The following ERC2 variants were observed in gnomAD, a reference collection of about 807,000 sequenced individuals.
ERC2 encodes ERC protein 2.
A neutral mutation model predicts 114.8 loss-of-function variants in ERC2; 42 were observed. The ratio of observed to expected loss-of-function variants is 0.37; its 90% confidence interval spans 0.29 to 0.47. The LOEUF (loss-of-function observed/expected upper bound fraction) is 0.47, where lower values mean the gene tolerates loss of function less well. ERC2 is among the 20% of genes least tolerant of loss of function. The pLI is 0.99. For synonymous variants in ERC2, 454 were observed against 425.5 expected (o/e 1.07, Z -0.82); for missense variants, 939 against 1,150.7 (o/e 0.82, Z 2.66).
At chr3:55,634,236 G>A (rs2059867630) in intron 17 of ERC2, among the ~76,000 whole-genome samples, 1 of 152,178 alleles carries the variant, frequency 6.6e-6, no homozygotes, top group East Asian at 1.9e-4. Context: ...CAAAAGTTGA[G>A]TTTATTTTCC....
At chr3:55,768,050 C>G (rs1386427381) in intron 14 of ERC2, among the ~76,000 whole-genome samples, 1 of 152,188 alleles carries the variant, frequency 6.6e-6, no homozygotes, top group African/African-American at 2.4e-5. Flanking sequence ...CTTCTCCACT[C>G]TCTTCCTCCT....
intron 14 of ERC2, among the ~76,000 whole-genome samples, chr3:55,752,619 G>A (rs2066784233): frequency 1.3e-5 from 2 of 152,126 alleles, no homozygotes; most frequent in Admixed American, 6.6e-5. Context: ...TCCTTTATGT[G>A]TACTAACTCA....
At chr3:55,815,665 CAT>C (rs983891838) in intron 14 of ERC2, among the ~76,000 whole-genome samples, 3 of 152,174 alleles carry the variant, frequency 2.0e-5, no homozygotes, top group East Asian at 1.9e-4. Flanking sequence ...AGATAATAAA[CAT>C]GTGATATTTT....
chr3:55,557,069 A>G (rs2055665612), intron 17 of ERC2, among the ~76,000 whole-genome samples: 1 of 152,226 alleles, frequency 6.6e-6, no homozygotes, highest in African/African-American at 2.4e-5. Context: ...TAAAGAAAAA[A>G]TATGACAAAT....
At chr3:56,206,823 CAT>C (rs778239111) in intron 3 of ERC2, among the ~76,000 whole-genome samples, 8 of 152,226 alleles carry the variant, frequency 5.3e-5, no homozygotes, top group Admixed American at 2.0e-4. Context: ...TCCAAATACA[CAT>C]GTTATGCATA....
intron 3 of ERC2, among the ~76,000 whole-genome samples, chr3:56,275,907 GC>G (rs2053958164): frequency 6.6e-6 from 1 of 152,152 alleles, no homozygotes; most frequent in South Asian, 2.1e-4. Flanking sequence ...ATGAGGACAA[GC>G]CCCCATCCCC....
intron 14 of ERC2, among the ~76,000 whole-genome samples, chr3:55,806,180 C>T (rs1293770023): frequency 2.6e-5 from 4 of 151,760 alleles, no homozygotes; most frequent in Non-Finnish European, 1.5e-5. Context: ...ACTAAAAACA[C>T]AAAAATTAGC....
At chr3:55,921,014 G>A (rs2065395957) in intron 13 of ERC2, among the ~76,000 whole-genome samples, 1 of 152,058 alleles carries the variant, frequency 6.6e-6, no homozygotes, top group African/African-American at 2.4e-5. Flanking sequence ...ACTCGGTTCT[G>A]GTGGGAATGC....
At chr3:55,901,423 T>C (rs948608764) in intron 13 of ERC2, among the ~76,000 whole-genome samples, 1 of 152,174 alleles carries the variant, frequency 6.6e-6, no homozygotes, top group Non-Finnish European at 1.5e-5. Flanking sequence ...TCCAAGCTCA[T>C]GGAGTTGAAA....
chr3:56,355,223 A>G (rs925958444), intron 2 of ERC2, among the ~76,000 whole-genome samples: 2 of 152,176 alleles, frequency 1.3e-5, no homozygotes, highest in Non-Finnish European at 2.9e-5. Context: ...AGTGGGAGTT[A>G]TGTGTATATT....
intron 7 of ERC2, among the ~76,000 whole-genome samples, chr3:56,068,896 G>A (rs2149724122): frequency 6.6e-6 from 1 of 152,300 alleles, no homozygotes; most frequent in Non-Finnish European, 1.5e-5. Context: ...GTTGCACTGT[G>A]GTCTGAGAGA....
intron 17 of ERC2, among the ~76,000 whole-genome samples, chr3:55,636,854 AT>A (rs2059978353): frequency 6.6e-6 from 1 of 152,180 alleles, no homozygotes; most frequent in South Asian, 2.1e-4. Flanking sequence ...ACCAGACCTG[AT>A]TTGCAAAATA....
intron 3 of ERC2, among the ~76,000 whole-genome samples, chr3:56,250,075 C>T (rs2052038634): frequency 1.3e-5 from 2 of 152,078 alleles, no homozygotes; most frequent in East Asian, 1.9e-4. Context: ...CCAGGCTGGT[C>T]TTGAACTCCT....
intron 2 of ERC2, among the ~76,000 whole-genome samples, chr3:56,399,255 A>T (rs1267888128): frequency 5.9e-5 from 9 of 152,216 alleles, no homozygotes; most frequent in African/African-American, 1.9e-4. Context: ...GCGTACTTCT[A>T]TTCAAAATAA....
chr3:55,844,950 G>C (rs2149223708), intron 14 of ERC2, among the ~76,000 whole-genome samples: 1 of 152,292 alleles, frequency 6.6e-6, no homozygotes, highest in Admixed American at 6.5e-5. Context: ...TGAGGGGGTA[G>C]TTTCAGAATG....
chr3:56,463,466 G>A (rs1023811552), intron 1 of ERC2, among the ~76,000 whole-genome samples: 2 of 152,144 alleles, frequency 1.3e-5, no homozygotes, highest in Non-Finnish European at 2.9e-5. Flanking sequence ...AAGTCCAAGG[G>A]AGTCTTGGGA....
intron 7 of ERC2, among the ~76,000 whole-genome samples, chr3:56,051,668 A>G (rs2075772367): frequency 6.6e-6 from 1 of 152,086 alleles, no homozygotes; most frequent in South Asian, 2.1e-4. Flanking sequence ...TCTACTTAAA[A>G]TACAAAAATT....
chr3:56,085,911 C>CTA (rs2077475452), intron 6 of ERC2, among the ~76,000 whole-genome samples: 1 of 152,026 alleles, frequency 6.6e-6, no homozygotes, highest in Non-Finnish European at 1.5e-5. Flanking sequence ...GCTGGATGGT[C>CTA]TATATCTGGA....
chr3:56,415,200 A>C (rs2061101430), intron 2 of ERC2, among the ~76,000 whole-genome samples: 1 of 152,210 alleles, frequency 6.6e-6, no homozygotes, highest in Non-Finnish European at 1.5e-5. Context: ...TGTACCTTTC[A>C]TTCAACAACT....
Sources: gnomAD v4.1 joint callset for allele counts (sites outside exome capture counted in the v4.1 genomes callset) on GRCh38, gnomAD v4.1.1 for gene constraint, MANE v1.5 for transcripts, NCBI Gene and HGNC (gene_info 2026-07-23, HGNC 2026-07-21) for gene names.